Variants in ROBO2 observed in about 807,000 individuals in gnomAD.
The protein encoded by ROBO2 is roundabout homolog 2.
ROBO2 carries 53 observed loss-of-function variants against 160.8 expected under a neutral mutation model. The observed-to-expected ratio is 0.33, with a 90% confidence interval of 0.26 to 0.41. ROBO2 has a LOEUF of 0.41. Ranked by LOEUF, ROBO2 falls within the 10% of genes least tolerant of loss-of-function variation. ROBO2 has a pLI of 1.00. For synonymous variants in ROBO2, 664 were observed against 611.7 expected (o/e 1.09, Z -1.26); for missense variants, 1,577 against 1,722.4 (o/e 0.92, Z 1.49).
At chr3:77,045,789 CAAG>C (rs1403920331) in intron 1 of ROBO2, among the ~76,000 whole-genome samples, 3 of 152,234 alleles carry the variant, frequency 2.0e-5, no homozygotes, top group Non-Finnish European at 2.9e-5. Flanking sequence ...CCACCAACCA[CAAG>C]AAATCACCAC....
At chr3:76,707,289 TA>T (rs916779569) in intron 2 of ROBO2, among the ~76,000 whole-genome samples, 53 of 152,184 alleles carry the variant, frequency 3.5e-4, no homozygotes, top group Non-Finnish European at 5.6e-4. Context: ...GCTAACAGAC[TA>T]AAAAGTTTGT....
intron 2 of ROBO2, among the ~76,000 whole-genome samples, chr3:76,381,819 G>A (rs184766647): frequency 2.9e-4 from 44 of 152,166 alleles, no homozygotes; most frequent in Non-Finnish European, 4.4e-4. Flanking sequence ...TAAGTATTGC[G>A]CCTTATGTGT....
rs770798070 is a variant in ROBO2 at position 77,522,908 on chromosome 3, A to G, written c.934+6A>G. On this transcript the variant is annotated splice_donor_region_variant and intron_variant, in intron 6 of 25. Transcript: ENST00000461745. ...TGCTACACTCACCGTCCGAGGTAAG[A>G]GATTTAAGATGTCAAAGATAATTGA... 6.2e-7 allele frequency: 1 copy of G among 1,608,868 alleles called. No individual in the cohort carries two copies. Among genetic ancestry groups the G allele is most frequent in the Non-Finnish European group, 8.5e-7 (1 of 1,176,262 alleles).
intron 2 of ROBO2, among the ~76,000 whole-genome samples, chr3:77,400,418 T>C (rs2075683719): frequency 6.6e-6 from 1 of 152,198 alleles, no homozygotes; most frequent in South Asian, 2.1e-4. Context: ...CAACCGTGGA[T>C]TCTTCTGGAG....
chr3:76,944,110 C>G (rs1222268467), intron 2 of ROBO2, among the ~76,000 whole-genome samples: 2 of 151,976 alleles, frequency 1.3e-5, no homozygotes, highest in African/African-American at 4.8e-5. Flanking sequence ...CTGTTAAAGA[C>G]TTTTTCCAAT....
chr3:77,217,707 G>A (rs532590892), intron 2 of ROBO2, among the ~76,000 whole-genome samples: 15 of 152,238 alleles, frequency 9.9e-5, no homozygotes, highest in Middle Eastern at 3.4e-3. Flanking sequence ...ACACCTAAAG[G>A]AAACCAGTTA....
At chr3:76,903,774 A>G (rs967426828) in intron 2 of ROBO2, among the ~76,000 whole-genome samples, 1 of 152,112 alleles carries the variant, frequency 6.6e-6, no homozygotes, top group African/African-American at 2.4e-5. Context: ...ATTCCCCGAT[A>G]GCCATTTGCT....
In ROBO2 at chr3:76,625,073, A is replaced by G. The variant is rs564541739; in HGVS notation, c.110-472941A>G. Among the ~76,000 whole-genome samples the G allele has an allele frequency of 3.0e-4, 46 of 152,042 alleles. No homozygotes were observed. In the Middle Eastern group the frequency reaches 0.014, roughly 45 times the overall value. On this transcript the variant is annotated intron_variant, in intron 2 of 26. Transcript: ENST00000487694. ...TTGCCCTAATCCATCTCCTCGCCTC[A>G]TTTTTTTCTAGTAAAATAACAGAAC...
intron 2 of ROBO2, among the ~76,000 whole-genome samples, chr3:77,360,484 G>A (rs2069799194): frequency 6.6e-6 from 1 of 152,104 alleles, no homozygotes; most frequent in South Asian, 2.1e-4. Flanking sequence ...ATCATAAAAT[G>A]CTATAACTGT....
At chr3:76,807,017 C>T (rs561602347) in intron 2 of ROBO2, among the ~76,000 whole-genome samples, 14 of 152,064 alleles carry the variant, frequency 9.2e-5, no homozygotes, top group African/African-American at 2.4e-4. Context: ...AATGACACTA[C>T]GTTTCTCTAC....
At chr3:76,238,234 G>C (rs1258091667) in intron 2 of ROBO2, among the ~76,000 whole-genome samples, 1 of 152,128 alleles carries the variant, frequency 6.6e-6, no homozygotes, top group Non-Finnish European at 1.5e-5. Flanking sequence ...AACTTATAAA[G>C]GAAAGAGGTT....
At chr3:77,077,602 A>G (rs2068145303) in intron 1 of ROBO2, among the ~76,000 whole-genome samples, 1 of 152,188 alleles carries the variant, frequency 6.6e-6, no homozygotes, top group Admixed American at 6.5e-5. Context: ...GGACTGTGGT[A>G]AAATGGAAGC....
intron 2 of ROBO2, among the ~76,000 whole-genome samples, chr3:76,031,936 AAT>A (rs1170472002): frequency 6.6e-6 from 1 of 152,152 alleles, no homozygotes; most frequent in African/African-American, 2.4e-5. Context: ...TTTCAGAAGG[AAT>A]GGTACCAGCT....
chr3:76,351,442 TA>T (rs2074868452), intron 2 of ROBO2, among the ~76,000 whole-genome samples: 1 of 151,950 alleles, frequency 6.6e-6, no homozygotes, highest in African/African-American at 2.4e-5. Flanking sequence ...AGAGAAACTC[TA>T]AAAATAAAAG....
chr3:76,581,636 C>CA (rs1242638430), intron 2 of ROBO2, among the ~76,000 whole-genome samples: 2 of 151,904 alleles, frequency 1.3e-5, no homozygotes, highest in Admixed American at 1.3e-4. Flanking sequence ...GATCCTGACT[C>CA]AAAAAATTCA....
At chr3:76,495,088 C>T (rs1287861074) in intron 2 of ROBO2, among the ~76,000 whole-genome samples, 1 of 152,010 alleles carries the variant, frequency 6.6e-6, no homozygotes, top group Non-Finnish European at 1.5e-5. Flanking sequence ...GGGAAAGTAC[C>T]CTCACGTGTG....
chr3:77,394,185 A>G (rs77880019), intron 2 of ROBO2, among the ~76,000 whole-genome samples: 1 of 152,150 alleles, frequency 6.6e-6, no homozygotes, highest in Non-Finnish European at 1.5e-5. Flanking sequence ...ATCTTCCATA[A>G]AAAAGCAATC....
intron 2 of ROBO2, among the ~76,000 whole-genome samples, chr3:76,164,623 G>C (rs542989101): frequency 2.0e-5 from 3 of 152,126 alleles, no homozygotes; most frequent in Non-Finnish European, 4.4e-5. Flanking sequence ...AATATTGAAG[G>C]ATGTCTTTTT....
At chr3:76,538,254 T>A (rs1321688087) in intron 2 of ROBO2, among the ~76,000 whole-genome samples, 1 of 152,114 alleles carries the variant, frequency 6.6e-6, no homozygotes, top group Admixed American at 6.6e-5. Context: ...GGTTTAACTG[T>A]GTACAAACTC....
Sources: gnomAD v4.1 joint callset for allele counts (sites outside exome capture counted in the v4.1 genomes callset) on GRCh38, gnomAD v4.1.1 for gene constraint, MANE v1.5 for transcripts, NCBI Gene and HGNC (gene_info 2026-07-23, HGNC 2026-07-21) for gene names.